The following SLC9C1 variants were observed in gnomAD, a reference collection of about 807,000 sequenced individuals.
SLC9C1 encodes sodium/hydrogen exchanger 10.
A neutral mutation model predicts 140.9 loss-of-function variants in SLC9C1; 97 were observed. That is an observed-to-expected ratio of 0.69 (90% CI 0.58 to 0.82). The LOEUF is 0.82. Ranked by LOEUF, SLC9C1 falls within the 40% of genes least tolerant of loss-of-function variation. The pLI is 0.00. For missense variants in SLC9C1, 1,340 were observed against 1,389.3 expected (o/e 0.96, Z 0.56); for synonymous variants, 440 against 442.6 (o/e 0.99, Z 0.07).
At chr3:112,262,693 C>T (rs1156688712) in intron 10 of SLC9C1, among the ~76,000 whole-genome samples, 1 of 151,740 alleles carries the variant, frequency 6.6e-6, no homozygotes, top group Non-Finnish European at 1.5e-5. Context: ...ATGCCAGGTA[C>T]TATTTTAAAT....
rs891122568 is a variant in SLC9C1, at chr3:112,280,683, C to T, written c.189G>A (p.Gln63=). The change falls in exon 3 of 29, where the codon CAG becomes CAA. Residue 63 remains glutamine, a splice_region_variant and synonymous_variant. Transcript: ENST00000305815. ...TAAAATACTCATTTACAATACACAC[C>T]TGTGAAGATGTAAAGCTTAATACTT... is the stretch of plus-strand genomic sequence containing the variant. ...SFEVLSFTSS[Q]VQRYANAIQW... 1 of 1,599,992 alleles carries T rather than the reference C, an allele frequency of 6.3e-7. No individual in the cohort carries two copies. The highest frequency in any genetic ancestry group is 8.5e-7 in the Non-Finnish European group (1 of 1,173,774).
intron 10 of SLC9C1, among the ~76,000 whole-genome samples, chr3:112,254,351 C>T (rs549883252): frequency 5.3e-5 from 8 of 152,134 alleles, no homozygotes; most frequent in African/African-American, 1.2e-4. Flanking sequence ...AAGGGCAGGT[C>T]GCCTACAAAA....
intron 15 of SLC9C1, among the ~76,000 whole-genome samples, chr3:112,209,907 C>A (rs2078155876): frequency 6.6e-6 from 1 of 152,076 alleles, no homozygotes; most frequent in Admixed American, 6.6e-5. Flanking sequence ...CAATGCTACC[C>A]AAAGCAATCT....
At chr3:112,148,136 A>C (rs924919961) in intron 28 of SLC9C1, among the ~76,000 whole-genome samples, 5 of 151,838 alleles carry the variant, frequency 3.3e-5, no homozygotes, top group Middle Eastern at 3.2e-3. Context: ...TTTCTTTTTA[A>C]GGTGTTTATC....
intron 8 of SLC9C1, among the ~76,000 whole-genome samples, chr3:112,264,647 C>A (rs902763472): frequency 6.6e-6 from 1 of 151,786 alleles, no homozygotes; most frequent in African/African-American, 2.4e-5. Flanking sequence ...TACTAGAGGG[C>A]ATATAGTGAA....
chr3:112,208,152 C>G, intron 16 of SLC9C1, 26 bp downstream of exon 16: 4 of 1,542,724 alleles, frequency 2.6e-6, no homozygotes, highest in Admixed American at 2.0e-5. Flanking sequence ...TATAACACTT[C>G]CATACACACA....
intron 11 of SLC9C1, among the ~76,000 whole-genome samples, chr3:112,242,743 T>C (rs2079170912): frequency 6.6e-6 from 1 of 152,196 alleles, no homozygotes; most frequent in Non-Finnish European, 1.5e-5. Context: ...TTTACCCTAA[T>C]TGATTATTAC....
intron 2 of SLC9C1, among the ~76,000 whole-genome samples, chr3:112,285,511 G>T (rs1480857745): frequency 6.6e-6 from 1 of 152,194 alleles, no homozygotes; most frequent in African/African-American, 2.4e-5. Context: ...ACAGTGCTGG[G>T]AGTATAGGCA....
chr3:112,235,826 A>G (rs1254297775), intron 12 of SLC9C1, among the ~76,000 whole-genome samples: 1 of 152,104 alleles, frequency 6.6e-6, no homozygotes, highest in Non-Finnish European at 1.5e-5. Flanking sequence ...AGCCCACTTG[A>G]TCATGGTGGA....
intron 23 of SLC9C1, among the ~76,000 whole-genome samples, chr3:112,170,276 A>T (rs1173494651): frequency 6.6e-6 from 1 of 152,212 alleles, no homozygotes; most frequent in East Asian, 1.9e-4. Context: ...GCGTCTGACA[A>T]TGGACCAATG....
intron 16 of SLC9C1, 94 bp from the exon 17 acceptor site, chr3:112,204,497 T>G: frequency 3.9e-6 from 5 of 1,290,200 alleles, no homozygotes; most frequent in Non-Finnish European, 5.3e-6. Context: ...TAGGCTTTTC[T>G]CTTATCTACT....
intron 11 of SLC9C1, among the ~76,000 whole-genome samples, chr3:112,242,579 A>G (rs9847583): frequency 0.59 from 89,367 of 151,456 alleles, 26,844 homozygotes; most frequent in East Asian, 0.79. Context: ...AATGCATTCA[A>G]AAAATAGAAA....
chr3:112,164,006 T>G (rs201231552), intron 26 of SLC9C1, among the ~76,000 whole-genome samples: 78 of 152,238 alleles, frequency 5.1e-4, no homozygotes, highest in East Asian at 1.4e-3. Flanking sequence ...TTGTTGAATT[T>G]ATCCCTTTAC....
rs181780971 is a variant in SLC9C1 at position 112,279,674 on chromosome 3, G to A, written c.190-817C>T. Among the ~76,000 whole-genome samples, 92 of 152,206 alleles carry A rather than the reference G, an allele frequency of 6.0e-4. 1 individual carries two copies. Among genetic ancestry groups the A allele is most frequent in the African/African-American group, 1.9e-3 (78 of 41,540 alleles). ...GCTTACTACCCATTATAGAAGATTC[G>A]GGTTCTCTAAGCTTACATTTCTTCT... is the stretch of plus-strand genomic sequence containing the variant. On this transcript the variant is annotated intron_variant, in intron 3 of 28. Coordinates refer to ENST00000305815, the MANE Select transcript of SLC9C1 (RefSeq NM_183061.3).
chr3:112,195,369 A>G (rs1157645924), intron 20 of SLC9C1, among the ~76,000 whole-genome samples: 1 of 152,158 alleles, frequency 6.6e-6, no homozygotes, highest in Non-Finnish European at 1.5e-5. Context: ...AAGAAAAAGC[A>G]CATAGTTGGA....
intron 20 of SLC9C1, among the ~76,000 whole-genome samples, chr3:112,197,048 G>A (rs2077785570): frequency 6.6e-6 from 1 of 151,640 alleles, no homozygotes; most frequent in Non-Finnish European, 1.5e-5. Context: ...TTTTGTTTTT[G>A]TTTTTTGGTG....
At chr3:112,234,595 G>A (rs1436339717) in intron 12 of SLC9C1, among the ~76,000 whole-genome samples, 5 of 152,110 alleles carry the variant, frequency 3.3e-5, no homozygotes, top group Admixed American at 6.5e-5. Context: ...TCCTTCTAGG[G>A]TTCTTATGGT....
At chr3:112,220,893 A>C (rs1356838088) in intron 14 of SLC9C1, among the ~76,000 whole-genome samples, 1 of 152,198 alleles carries the variant, frequency 6.6e-6, no homozygotes, top group African/African-American at 2.4e-5. Context: ...AGTCAGAAGG[A>C]ACAGCTTGTT....
intron 20 of SLC9C1, among the ~76,000 whole-genome samples, chr3:112,190,761 G>T (rs1404149008): frequency 6.6e-6 from 1 of 151,130 alleles, no homozygotes; most frequent in Non-Finnish European, 1.5e-5. Context: ...AGGATTTTTT[G>T]CCCTTTTTAA....
Sources: allele counts gnomAD v4.1 joint callset (sites outside exome capture counted in the v4.1 genomes callset), GRCh38; gene constraint gnomAD v4.1.1; transcripts MANE v1.5; gene names NCBI Gene and HGNC (gene_info 2026-07-23, HGNC 2026-07-21).